CSTPP1: variants seen among roughly 807,000 people sequenced by gnomAD.
CSTPP1 encodes the protein UPF0705 protein C11orf49.
the CSTPP1 span, among the ~76,000 whole-genome samples, chr11:47,065,463 A>C: frequency 1.3e-5 from 2 of 152,024 alleles, no homozygotes; most frequent in East Asian, 3.9e-4. Context: ...TTTCTTTTAG[A>C]GATGAGGTCT....
the CSTPP1 span, among the ~76,000 whole-genome samples, chr11:47,063,266 A>G: frequency 6.6e-6 from 1 of 152,208 alleles, no homozygotes; most frequent in Admixed American, 6.5e-5. Context: ...GGTAAAATAT[A>G]TAACAAAATT....
the CSTPP1 span, among the ~76,000 whole-genome samples, chr11:47,141,983 G>A: frequency 2.1e-5 from 3 of 143,836 alleles, no homozygotes; most frequent in Middle Eastern, 3.5e-3. Flanking sequence ...AGTGGCTTAC[G>A]CCTGTAATCC....
chr11:47,024,769 T>G, the CSTPP1 span, among the ~76,000 whole-genome samples: 1 of 152,138 alleles, frequency 6.6e-6, no homozygotes, highest in Non-Finnish European at 1.5e-5. Flanking sequence ...TTCAAAAATT[T>G]TGTGGTACCT....
At chr11:47,036,085 T>A in the CSTPP1 span, among the ~76,000 whole-genome samples, 4 of 12,126 alleles carry the variant, frequency 3.3e-4, no homozygotes, top group African/African-American at 2.5e-3. Context: ...AAATTATATA[T>A]ATTATATTAT....
chr11:46,941,370 C>T, the CSTPP1 span, among the ~76,000 whole-genome samples: 3 of 151,970 alleles, frequency 2.0e-5, no homozygotes, highest in East Asian at 3.8e-4. Flanking sequence ...GACGGAGTCT[C>T]GCTCTGTCAC....
the CSTPP1 span, among the ~76,000 whole-genome samples, chr11:47,156,562 G>A: frequency 1.3e-5 from 2 of 152,324 alleles, no homozygotes; most frequent in African/African-American, 4.8e-5. Context: ...GCTTACCAGT[G>A]GGAGCATACT....
At chr11:46,964,543 C>G in the CSTPP1 span, among the ~76,000 whole-genome samples, 28 of 152,182 alleles carry the variant, frequency 1.8e-4, no homozygotes, top group African/African-American at 5.3e-4. Flanking sequence ...CCTCGGCCCC[C>G]CAGAGTGCTG....
At chr11:47,053,619 CAAAAAAA>C in the CSTPP1 span, among the ~76,000 whole-genome samples, 47 of 96,598 alleles carry the variant, frequency 4.9e-4, no homozygotes, top group Middle Eastern at 6.0e-3. Flanking sequence ...GACTCTGCCT[CAAAAAAA>C]AAAAAAAAGA....
the CSTPP1 span, among the ~76,000 whole-genome samples, chr11:47,070,538 G>A: frequency 5.3e-5 from 8 of 152,120 alleles, no homozygotes; most frequent in Non-Finnish European, 7.4e-5. Context: ...TGATTCTTAG[G>A]ATCACTCAAG....
At chr11:47,155,507 G>A in the CSTPP1 span, 5 of 567,494 alleles carry the variant, frequency 8.8e-6, no homozygotes, top group South Asian at 4.5e-5. Context: ...AGTCAGCAAC[G>A]CAACAAATCA....
chr11:47,077,276 T>G, the CSTPP1 span, among the ~76,000 whole-genome samples: 1 of 149,102 alleles, frequency 6.7e-6, no homozygotes, highest in East Asian at 2.2e-4. Flanking sequence ...CTCGGCTCAC[T>G]GCAACCTCCG....
the CSTPP1 span, among the ~76,000 whole-genome samples, chr11:47,112,053 C>G: frequency 0.079 from 11,957 of 152,172 alleles, 492 homozygotes; most frequent in Non-Finnish European, 0.09. Flanking sequence ...TAGGCACACT[C>G]CCTCCTTAAG....
the CSTPP1 span, among the ~76,000 whole-genome samples, chr11:46,982,486 G>T: frequency 2.3e-4 from 35 of 152,074 alleles, 1 homozygote; most frequent in Admixed American, 9.8e-4. Context: ...TAATGTTAAG[G>T]TGGAAATTCT....
the CSTPP1 span, among the ~76,000 whole-genome samples, chr11:47,119,231 G>T: frequency 3.3e-5 from 5 of 152,378 alleles, no homozygotes; most frequent in Non-Finnish European, 7.3e-5. Context: ...CTAGCAGTGA[G>T]CAAGGTTCTG....
At chr11:47,152,732 T>A in the CSTPP1 span, among the ~76,000 whole-genome samples, 1 of 152,176 alleles carries the variant, frequency 6.6e-6, no homozygotes, top group African/African-American at 2.4e-5. Flanking sequence ...TATATCACAA[T>A]GTAAATAAAT....
the CSTPP1 span, among the ~76,000 whole-genome samples, chr11:46,958,595 C>A: frequency 6.6e-6 from 1 of 152,150 alleles, no homozygotes; most frequent in African/African-American, 2.4e-5. Flanking sequence ...CAAGTGTGAG[C>A]CACTATACCC....
chr11:47,005,491 C>G, the CSTPP1 span, among the ~76,000 whole-genome samples: 1 of 152,034 alleles, frequency 6.6e-6, no homozygotes, highest in Non-Finnish European at 1.5e-5. Context: ...GCCCAGTACA[C>G]TGAGAATTGA....
chr11:47,046,660 CTTTTTTTTTTTT>C, the CSTPP1 span, among the ~76,000 whole-genome samples: 2 of 79,734 alleles, frequency 2.5e-5, no homozygotes, highest in East Asian at 3.8e-4. Flanking sequence ...ATCTTCTTTT[CTTTTTTTTTTTT>C]TTTTTTTTTT....
At chr11:46,996,434 G>A in the CSTPP1 span, among the ~76,000 whole-genome samples, 1 of 151,992 alleles carries the variant, frequency 6.6e-6, no homozygotes, top group African/African-American at 2.4e-5. Flanking sequence ...CTCCCGTCTA[G>A]CTGGGACTAC....
Sources: allele counts gnomAD v4.1 joint callset (sites outside exome capture counted in the v4.1 genomes callset), GRCh38; gene constraint gnomAD v4.1.1; transcripts MANE v1.5; gene names NCBI Gene and HGNC (gene_info 2026-07-23, HGNC 2026-07-21).